C1orf53: variants seen among roughly 807,000 people sequenced by gnomAD.
C1orf53 encodes the protein uncharacterized protein C1orf53.
C1orf53 carries 23 observed loss-of-function variants against 17.5 expected under a neutral mutation model. The observed-to-expected ratio is 1.31, with a 90% CI of 0.94 to 1.86. The LOEUF is 1.86. Among genes scored for constraint, C1orf53 ranks in the 40% most tolerant of loss-of-function variants. The pLI is 0.00. For synonymous variants in C1orf53, 108 were observed against 81.9 expected, an observed-to-expected ratio of 1.32 and a Z score of -1.72; for missense variants, 255 against 193.2, an observed-to-expected ratio of 1.32 and a Z score of -1.89.
chr1:197,902,681 G>A lies in C1orf53; in HGVS notation c.32G>A (p.Gly11Asp), dbSNP rs1659442478. The A allele has an allele frequency of 2.0e-6, 3 of 1,501,074 alleles. No homozygotes were observed. Among genetic ancestry groups the A allele is most frequent in the Admixed American group, 2.1e-5 (1 of 46,644 alleles). 93.0% of individuals were successfully genotyped at this position (1,501,074 alleles called of 1,614,324 possible). MAARQIWART[G>D]AALCRQPSAA... ...GCCAGGCAGATCTGGGCACGGACGG[G>A]TGCCGCGCTCTGCAGGCAACCTTCC... is the stretch of plus-strand genomic sequence containing the variant. Residue 11 changes from glycine (G) to aspartate (D), a missense_variant, in exon 1 of 3, where the codon GGT (glycine) becomes GAT (aspartate). By Grantham distance (94) the Gly-to-Asp change is moderately conservative (BLOSUM62 -1). Transcript: ENST00000367393.
rs553308930 is a variant in C1orf53 at position 197,902,929 on chromosome 1, G to GCCCGC, written c.264+28_264+32dup. ...CGCCTGCGCGGTGAGACTCCCTCCT[G>GCCCGC]CCCGCCCCGCCCCGCCGCGGCCGCC... On this transcript the variant is annotated intron_variant, in intron 1 of 2. Coordinates refer to ENST00000367393, the MANE Select transcript of C1orf53 (RefSeq NM_001024594.3). 2,191 of 1,353,470 alleles carry GCCCGC rather than the reference G, an allele frequency of 1.6e-3. 26 individuals carry two copies. In the African/African-American group the frequency reaches 0.029, roughly 18 times the overall value. 83.8% of individuals were successfully genotyped at this position (1,353,470 alleles called of 1,614,324 possible).
At chr1:197,904,224 T>A (rs1659485869) in intron 1 of C1orf53, among the ~76,000 whole-genome samples, 1 of 152,232 alleles carries the variant, frequency 6.6e-6, no homozygotes, top group Admixed American at 6.5e-5. Context: ...CGGGTACCGA[T>A]GCGCATCACT....
At chr1:197,903,006 C>T (rs1659456150) in intron 1 of C1orf53, 93 bp downstream of exon 1, 9 of 1,181,386 alleles carry the variant, frequency 7.6e-6, no homozygotes, top group Non-Finnish European at 9.7e-6. Flanking sequence ...CGGAGGCCGC[C>T]CGGCAGAGGC....
chr1:197,906,609 T>C (rs1159227960), intron 2 of C1orf53, among the ~76,000 whole-genome samples: 1 of 152,216 alleles, frequency 6.6e-6, no homozygotes, highest in Non-Finnish European at 1.5e-5. Flanking sequence ...TAAATGGGAA[T>C]GAATCCTTCA....
intron 1 of C1orf53, among the ~76,000 whole-genome samples, chr1:197,905,339 C>T (rs753636286): frequency 1.4e-4 from 21 of 152,106 alleles, no homozygotes; most frequent in Admixed American, 7.9e-4. Flanking sequence ...CTATAAGGAC[C>T]GTTGGTTTTG....
At chr1:197,906,582 T>C (rs931747670) in intron 2 of C1orf53, among the ~76,000 whole-genome samples, 2 of 152,220 alleles carry the variant, frequency 1.3e-5, no homozygotes, top group African/African-American at 4.8e-5. Flanking sequence ...CTCTCCTTCC[T>C]TATTATAAGC....
At chr1:197,904,077 G>A (rs1435839941) in intron 1 of C1orf53, among the ~76,000 whole-genome samples, 2 of 152,186 alleles carry the variant, frequency 1.3e-5, no homozygotes, top group African/African-American at 2.4e-5. Flanking sequence ...CAGTATCACA[G>A]GTTAAATGAC....
rs750194752 is a variant in C1orf53 at position 197,907,262 on chromosome 1, T to TA, written c.*48dup. ...GTTCCCTAACTGTGCTTGTATTTTT[T>TA]AAAAAATAAAGCCCCAATTCAGAAT... On this transcript the variant is annotated 3_prime_UTR_variant, in exon 3 of 3. Coordinates refer to ENST00000367393, the MANE Select transcript of C1orf53 (RefSeq NM_001024594.3). 1.9e-5 allele frequency: 22 copies of TA among 1,185,624 alleles called. No homozygotes were observed. Among genetic ancestry groups the TA allele is most frequent in the Admixed American group, 1.1e-4 (5 of 46,110 alleles). The allele number at this position is 1,185,624 out of a possible 1,614,324, so 73.4% of individuals were successfully genotyped here. A position where few individuals can be genotyped will look rare whatever the true frequency, so the allele number is the denominator to read the frequency against.
intron 2 of C1orf53, among the ~76,000 whole-genome samples, chr1:197,906,560 A>T (rs1449193279): frequency 6.6e-6 from 1 of 152,250 alleles, no homozygotes. Flanking sequence ...TCACTAATTA[A>T]GATAAACAAA....
In C1orf53 at chr1:197,902,885, T is replaced by G. The variant is rs755144036; in HGVS notation, c.236T>G (p.Ile79Ser). 4.0e-6 allele frequency: 6 copies of G among 1,502,202 alleles called. No homozygotes were observed. In the Admixed American group the frequency reaches 1.3e-4, roughly 32 times the overall value. The allele number at this position is 1,502,202 out of a possible 1,614,324, so 93.1% of individuals were successfully genotyped here. ...GAGTTAACCGCGGCGGAGCGACAGATCGCGGAGCTGCACGCTGCCGCCTGC... is the reference window on the plus strand; with the variant it reads ...GAGTTAACCGCGGCGGAGCGACAGAGCGCGGAGCTGCACGCTGCCGCCTGC... The part of the protein sequence containing the change: ...SEELTAAERQ[I>S]AELHAAACAA... The change falls in exon 1 of 3, where the codon ATC (isoleucine) becomes AGC (serine). Residue 79 changes from isoleucine (I) to serine (S), a missense_variant. By Grantham distance (142) the Ile-to-Ser change is moderately radical. Transcript: ENST00000367393.
In C1orf53 at chr1:197,902,910, C is replaced by A. The variant is rs1290950453; in HGVS notation, c.261C>A (p.Cys87Ter). Reference protein sequence around the residue: ...RQIAELHAAACAAGQLNYVDP... With the variant: ...RQIAELHAAA ...TCGCGGAGCTGCACGCTGCCGCCTG[C>A]GCGGTGAGACTCCCTCCTGCCCGCC... is the stretch of plus-strand genomic sequence containing the variant. Residue 87 changes from cysteine (C) to a stop codon, truncating the protein, a stop_gained, in exon 1 of 3, where the codon TGC becomes TGA. Coordinates refer to ENST00000367393, the MANE Select transcript of C1orf53 (RefSeq NM_001024594.3). LOFTEE classifies it high-confidence loss of function. The A allele has an allele frequency of 6.8e-7, 1 of 1,461,532 alleles. No homozygotes were observed. The highest frequency in any genetic ancestry group is 9.0e-7 in the Non-Finnish European group (1 of 1,109,676). The allele number at this position is 1,461,532 out of a possible 1,614,324, so 90.5% of individuals were successfully genotyped here.
intron 2 of C1orf53, 79 bp downstream of exon 2, chr1:197,905,976 A>G: frequency 9.0e-7 from 1 of 1,111,012 alleles, no homozygotes; most frequent in Non-Finnish European, 1.4e-6. Flanking sequence ...TTGAACAACA[A>G]GTCAAATAAA....
chr1:197,905,273 T>C (rs1368778742), intron 1 of C1orf53, among the ~76,000 whole-genome samples: 4 of 152,052 alleles, frequency 2.6e-5, no homozygotes, highest in Non-Finnish European at 4.4e-5. Context: ...AAATGTGCAA[T>C]GAAGTAACAC....
Position 197,902,738 on chromosome 1 carries a change from G to A in C1orf53, c.89G>A (p.Arg30Lys), listed in dbSNP as rs756312153. The change falls in exon 1 of 3, where the codon AGA becomes AAA. Residue 30 changes from arginine to lysine, a missense_variant. Coordinates refer to ENST00000367393, the MANE Select transcript of C1orf53 (RefSeq NM_001024594.3). ...CCGCCGCCAGCACCTCTCTGGGTAA[G>A]AGCTGGGTTCCGACAGCAGCTCAGC... Reference protein sequence around the residue: ...AAPPPAPLWVRAGFRQQLSLT... With the variant: ...AAPPPAPLWVKAGFRQQLSLT... 3.2e-6 allele frequency: 5 copies of A among 1,564,358 alleles called. No homozygotes were observed. The highest frequency in any genetic ancestry group is 3.6e-5 in the Admixed American group (2 of 55,684).
chr1:197,906,403 C>G (rs1272160086), intron 2 of C1orf53, among the ~76,000 whole-genome samples: 1 of 151,282 alleles, frequency 6.6e-6, no homozygotes, highest in Non-Finnish European at 1.5e-5. Context: ...ATTCTGTTCC[C>G]CACCCCCCGC....
At position 197,902,933 on chromosome 1, in the gene C1orf53, GC is replaced by G; in HGVS notation, c.264+24del. On this transcript the variant is annotated intron_variant, in intron 1 of 2. Coordinates refer to ENST00000367393, the MANE Select transcript of C1orf53 (RefSeq NM_001024594.3). ...TGCGCGGTGAGACTCCCTCCTGCCC[GC>G]CCCGCCCCGCCGCGGCCGCCCCGGG... 7.4e-7 allele frequency: 1 copy of G among 1,347,216 alleles called. No homozygotes were observed. 83.5% of individuals were successfully genotyped at this position (1,347,216 alleles called of 1,614,324 possible).
intron 1 of C1orf53, among the ~76,000 whole-genome samples, chr1:197,905,229 CTAA>C (rs1330599692): frequency 1.3e-5 from 2 of 151,350 alleles, no homozygotes; most frequent in African/African-American, 2.4e-5. Context: ...AAAAATACAA[CTAA>C]TAACACACCA....
intron 1 of C1orf53, among the ~76,000 whole-genome samples, chr1:197,903,356 T>C (rs1172741192): frequency 6.6e-6 from 1 of 152,198 alleles, no homozygotes; most frequent in Non-Finnish European, 1.5e-5. Flanking sequence ...AAAAAAGACA[T>C]TGACACATTT....
chr1:197,906,608 A>G (rs1659527199), intron 2 of C1orf53, among the ~76,000 whole-genome samples: 1 of 152,252 alleles, frequency 6.6e-6, no homozygotes, highest in Non-Finnish European at 1.5e-5. Flanking sequence ...ATAAATGGGA[A>G]TGAATCCTTC....
Sources: allele counts gnomAD v4.1 joint callset (sites outside exome capture counted in the v4.1 genomes callset), GRCh38; gene constraint gnomAD v4.1.1; transcripts MANE v1.5; gene names NCBI Gene and HGNC (gene_info 2026-07-23, HGNC 2026-07-21).